SI: variants seen among roughly 807,000 people sequenced by gnomAD.
The protein encoded by SI is sucrase-isomaltase, intestinal.
Under a neutral mutation model 253.3 loss-of-function variants are expected in SI, and 235 were observed. That is an observed-to-expected ratio of 0.93 (90% CI 0.83 to 1.03). The LOEUF is 1.03. Among genes scored for constraint, SI ranks in the 50% least tolerant of loss-of-function variants. The pLI, the probability that SI is intolerant of heterozygous loss-of-function variation, is 0.00. For synonymous variants in SI, 819 were observed against 712.0 expected (o/e 1.15, Z -2.39); for missense variants, 2,442 against 2,211.1 (o/e 1.10, Z -2.09).
chr3:165,071,039 T>G (rs1481854364), intron 3 of SI, among the ~76,000 whole-genome samples: 3 of 152,100 alleles, frequency 2.0e-5, no homozygotes. Context: ...CTGTGTGTGG[T>G]TCCTTCCTCT....
At chr3:164,998,183 G>A (rs1001226530) in intron 38 of SI, among the ~76,000 whole-genome samples, 1 of 151,756 alleles carries the variant, frequency 6.6e-6, no homozygotes, top group African/African-American at 2.4e-5. Flanking sequence ...AATCTTGAAA[G>A]CATCTGTTAT....
intron 25 of SI, among the ~76,000 whole-genome samples, chr3:165,030,041 C>A (rs370370616): frequency 2.7e-5 from 4 of 149,730 alleles, no homozygotes; most frequent in African/African-American, 9.9e-5. Flanking sequence ...TGGGAAATTG[C>A]TGACAAATAT....
intron 37 of SI, among the ~76,000 whole-genome samples, chr3:165,003,696 A>C (rs1718363823): frequency 6.6e-6 from 1 of 152,092 alleles, no homozygotes; most frequent in African/African-American, 2.4e-5. Context: ...GCTCATTAGA[A>C]CTGCCTGGAA....
In SI at chr3:165,059,033, G is replaced by T. The variant is rs751446520; in HGVS notation, c.1328C>A (p.Thr443Asn). 1 of 1,612,296 alleles carries T rather than the reference G, an allele frequency of 6.2e-7. No homozygotes were observed. Among genetic ancestry groups the T allele is most frequent in the Non-Finnish European group, 8.5e-7 (1 of 1,179,076 alleles). Reference sequence around the variant, plus strand: ...ATGTTGTGTGTTTCCCCTCTCATAGGTTGCATATGTTGTTCCATTGGCACG... The same window carrying T: ...ATGTTGTGTGTTTCCCCTCTCATAGTTTGCATATGTTGTTCCATTGGCACG... ...GRRANGTTYA[T>N]YERGNTQHVW... is the part of the protein sequence containing the mutation. Residue 443 changes from threonine (T) to asparagine (N), a missense_variant, in exon 12 of 48, where the codon ACC becomes AAC. Transcript: ENST00000264382.
Position 165,030,811 on chromosome 3 carries a change from C to G in SI, c.2793G>C (p.Trp931Cys). 1 of 1,602,842 alleles carries G rather than the reference C, an allele frequency of 6.2e-7. No individual in the cohort carries two copies. The highest frequency in any genetic ancestry group is 8.5e-7 in the Non-Finnish European group (1 of 1,174,582). Residue 931 changes from tryptophan (W) to cysteine (C), a missense_variant, in exon 25 of 48, where the codon TGG (tryptophan) becomes TGC (cysteine). Physicochemically the swap from Trp to Cys is radical, Grantham distance 215. Transcript: ENST00000264382. ...LNLGRNFSVQ[W>C]NQIFSENERF... ...TTTCATTTTCTGAGAAAATTTGATT[C>G]CATTGAACACTAAAGTTTCTTCCAA...
At chr3:165,087,535 T>C in the SI span, among the ~76,000 whole-genome samples, 3 of 152,138 alleles carry the variant, frequency 2.0e-5, no homozygotes, top group Non-Finnish European at 2.9e-5. Context: ...ATTCTATAGA[T>C]ATTTGAAGCT....
At chr3:165,043,497 T>C (rs1283643097) in intron 16 of SI, among the ~76,000 whole-genome samples, 2 of 152,032 alleles carry the variant, frequency 1.3e-5, no homozygotes, top group Non-Finnish European at 2.9e-5. Context: ...TGTTGGTTGC[T>C]TCTTAATCCC....
At chr3:165,018,203 G>A (rs1013558172) in intron 28 of SI, 137 bp from the exon 29 acceptor site, 5 of 633,084 alleles carry the variant, frequency 7.9e-6, no homozygotes, top group Non-Finnish European at 1.1e-5. Context: ...CTATGCTTCA[G>A]TTAAAATAAA....
intron 37 of SI, among the ~76,000 whole-genome samples, chr3:164,999,387 T>C (rs1356610588): frequency 1.3e-5 from 2 of 151,754 alleles, no homozygotes; most frequent in Non-Finnish European, 3.0e-5. Context: ...CCCTTTCTTT[T>C]CCCTCTGCCT....
chr3:165,040,724 T>C (rs1202314101), intron 18 of SI, among the ~76,000 whole-genome samples: 3 of 152,072 alleles, frequency 2.0e-5, no homozygotes, highest in Non-Finnish European at 4.4e-5. Context: ...ATCTTTTCCT[T>C]GTAAGTTCTA....
In SI at chr3:165,007,895, A is replaced by G. The variant is rs1250202999; in HGVS notation, c.4267+16T>C. On this transcript the variant is annotated intron_variant, in intron 36 of 47. Coordinates refer to ENST00000264382, the MANE Select transcript of SI (RefSeq NM_001041.4). Reference sequence around the variant, plus strand: ...AATAACATGATAATATCAAAGGCATACCAACAATATTGTACCTGGGAAATA... The same window carrying G: ...AATAACATGATAATATCAAAGGCATGCCAACAATATTGTACCTGGGAAATA... The G allele has an allele frequency of 7.4e-7, 1 of 1,357,772 alleles. No homozygotes were observed. Among genetic ancestry groups the G allele is most frequent in the East Asian group, 2.3e-5 (1 of 42,984 alleles). 84.1% of individuals were successfully genotyped at this position (1,357,772 alleles called of 1,614,324 possible).
At chr3:165,004,744 A>G (rs1351422797) in intron 37 of SI, among the ~76,000 whole-genome samples, 1 of 152,176 alleles carries the variant, frequency 6.6e-6, no homozygotes, top group Non-Finnish European at 1.5e-5. Context: ...AAAATTTTGA[A>G]AAAGCAAAAC....
chr3:164,999,048 C>A (rs545267768), intron 37 of SI, among the ~76,000 whole-genome samples: 1 of 151,810 alleles, frequency 6.6e-6, no homozygotes, highest in Non-Finnish European at 1.5e-5. Flanking sequence ...ATTGCCCCAA[C>A]GCCTCTCAAC....
rs1450785861 is a variant in SI, at chr3:165,049,109, G to C, written c.1715+18C>G. On this transcript the variant is annotated intron_variant, in intron 15 of 47. Coordinates refer to ENST00000264382, the MANE Select transcript of SI (RefSeq NM_001041.4). The stretch of plus-strand genomic sequence containing the variant: ...AGCAATAAATATGAAAGAAGTCTTT[G>C]AATGAAATTGCACTTACTGCTCTGT... The C allele has an allele frequency of 7.9e-7, 1 of 1,271,834 alleles. No individual in the cohort carries two copies. The highest frequency in any genetic ancestry group is 1.7e-5 in the Admixed American group (1 of 59,512). 78.8% of individuals were successfully genotyped at this position (1,271,834 alleles called of 1,614,324 possible).
Position 164,998,679 on chromosome 3 carries a change from A to G in SI, c.4407-6T>C. ...CAGTTGTCTTCTGCAATGCACTAAT[A>G]TAGTAGAGAAGTATTTTTGAGTTTT... is the stretch of plus-strand genomic sequence containing the variant. On this transcript the variant is annotated splice_polypyrimidine_tract_variant and splice_region_variant and intron_variant, in intron 37 of 47. Transcript: ENST00000264382. 6.2e-7 allele frequency: 1 copy of G among 1,608,584 alleles called. No individual in the cohort carries two copies. Among genetic ancestry groups the G allele is most frequent in the Non-Finnish European group, 8.5e-7 (1 of 1,175,658 alleles).
At chr3:165,046,816 G>C in intron 16 of SI, 25 bp downstream of exon 16, 1 of 1,574,182 alleles carries the variant, frequency 6.4e-7, no homozygotes, top group Non-Finnish European at 8.7e-7. Flanking sequence ...GCTTTTATGA[G>C]TAACACTCTA....
At position 165,058,963 on chromosome 3, in the gene SI, C is replaced by T. The variant is rs892112680; in HGVS notation, c.1398G>A (p.Glu466=). Residue 466 remains glutamate, a splice_region_variant and synonymous_variant, in exon 12 of 48, where the codon GAG becomes GAA. Coordinates refer to ENST00000264382, the MANE Select transcript of SI (RefSeq NM_001041.4). ...AGTTTTAATAAATATCATATTTTAC[C>T]TCTCCAATAATTGGTGTACTTCCAT... The part of the protein sequence containing the change: ...ESDGSTPIIG[E]VWPGLTVYPD... 6.2e-7 allele frequency: 1 copy of T among 1,609,520 alleles called. No individual in the cohort carries two copies. The highest frequency in any genetic ancestry group is 8.5e-7 in the Non-Finnish European group (1 of 1,176,910).
rs908073738 is a variant in SI at position 165,011,440 on chromosome 3, A to G, written c.4062+1540T>C. 2.6e-5 allele frequency among the ~76,000 whole-genome samples: 4 copies of G among 151,946 alleles called. 1 individual carries two copies. Among genetic ancestry groups the G allele is most frequent in the African/African-American group, 7.2e-5 (3 of 41,392 alleles). On this transcript the variant is annotated intron_variant, in intron 34 of 47. Coordinates refer to ENST00000264382, the MANE Select transcript of SI (RefSeq NM_001041.4). ...TATTTCCCCTCTTTTTCTGATTTCT[A>G]GTTTAATTTCATTGTGGCTGGGAAA... is the stretch of plus-strand genomic sequence containing the variant.
rs1394592229 is a variant in SI at position 165,008,015 on chromosome 3, A to C, written c.4180-17T>G. On this transcript the variant is annotated splice_polypyrimidine_tract_variant and intron_variant, in intron 35 of 47. Coordinates refer to ENST00000264382, the MANE Select transcript of SI (RefSeq NM_001041.4). ...ATTCATATCCTTAAAAAAAGATGAAAGAAAAAGGTAAACAAAAGATAAATT... is the reference window on the plus strand; with the variant it reads ...ATTCATATCCTTAAAAAAAGATGAACGAAAAAGGTAAACAAAAGATAAATT... 1 of 1,304,462 alleles carries C rather than the reference A, an allele frequency of 7.7e-7. No homozygotes were observed. The allele number at this position is 1,304,462 out of a possible 1,614,324, so 80.8% of individuals were successfully genotyped here.
Sources: gnomAD v4.1 joint callset for allele counts (sites outside exome capture counted in the v4.1 genomes callset) on GRCh38, gnomAD v4.1.1 for gene constraint, MANE v1.5 for transcripts, NCBI Gene and HGNC (gene_info 2026-07-23, HGNC 2026-07-21) for gene names.